Variants in NHS observed in about 807,000 individuals in gnomAD.
NHS encodes NHS actin remodeling regulator, also known as actin remodeling regulator NHS.
NHS carries 5 observed loss-of-function variants against 72.5 expected under a neutral mutation model. The observed-to-expected ratio is 0.07, with a 90% confidence interval of 0.04 to 0.14. The LOEUF is 0.14. Ranked by LOEUF, NHS falls within the 10% of genes least tolerant of loss-of-function variation. NHS has a pLI of 1.00. For missense variants in NHS, 1,072 were observed against 1,355.7 expected (o/e 0.79, Z 3.29); for synonymous variants, 464 against 547.7 (o/e 0.85, Z 2.13).
In NHS at chrX:17,724,434, T is replaced by A. The variant is rs1298724339; in HGVS notation, c.1240+4T>A. On this transcript the variant is annotated splice_donor_region_variant and intron_variant, in intron 6 of 8. Transcript: ENST00000676302. ...AGAAGAGTTCAACAAGAAATAGGTG[T>A]GATATCAAAAAATGTTAATGGTTAA... 7.4e-6 allele frequency: 9 copies of A among 1,211,205 alleles called. No individual in the cohort carries two copies. The highest frequency in any genetic ancestry group is 1.0e-5 in the Non-Finnish European group (9 of 895,279).
intron 1 of NHS, among the ~76,000 whole-genome samples, chrX:17,476,567 A>G (rs2064919051): frequency 9.0e-6 from 1 of 111,016 alleles, no homozygotes; most frequent in African/African-American, 3.3e-5. Flanking sequence ...GATTCAAGTG[A>G]AGGTAATTTA....
At chrX:17,579,440 G>A (rs1601784049) in intron 1 of NHS, among the ~76,000 whole-genome samples, 3 of 110,420 alleles carry the variant, frequency 2.7e-5, no homozygotes, top group South Asian at 3.9e-4. Context: ...AAGCACTATA[G>A]GATTCCATTC....
chrX:17,677,817 T>C (rs1601830936), intron 1 of NHS, among the ~76,000 whole-genome samples: 2 of 111,668 alleles, frequency 1.8e-5, no homozygotes, highest in East Asian at 5.6e-4. Flanking sequence ...TTCATTTCGT[T>C]TTATTTTTGA....
intron 1 of NHS, among the ~76,000 whole-genome samples, chrX:17,655,677 G>A (rs1601820235): frequency 8.9e-6 from 1 of 112,961 alleles, no homozygotes; most frequent in Non-Finnish European, 1.9e-5. Flanking sequence ...CATTCACTGA[G>A]CTGTAAATCG....
At chrX:17,471,824 A>G (rs1429401872) in intron 1 of NHS, among the ~76,000 whole-genome samples, 2 of 111,832 alleles carry the variant, frequency 1.8e-5, no homozygotes, top group Admixed American at 9.5e-5. Flanking sequence ...GAATGCTTCT[A>G]AGACAGTAGA....
At chrX:17,705,522 G>A (rs1219765711) in intron 3 of NHS, 1 of 112,457 alleles carries the variant, frequency 8.9e-6, no homozygotes, top group Non-Finnish European at 1.9e-5. Context: ...CACTGCAGGA[G>A]ATGTTGTCTA....
chrX:17,446,660 A>ACC (rs1340548046), intron 1 of NHS, among the ~76,000 whole-genome samples: 76 of 110,543 alleles, frequency 6.9e-4, no homozygotes, highest in African/African-American at 2.4e-3. Context: ...TTTGCCCAAA[A>ACC]AAAAAAAAAA....
At chrX:17,439,976 G>A (rs1232751672) in intron 1 of NHS, among the ~76,000 whole-genome samples, 2 of 111,329 alleles carry the variant, frequency 1.8e-5, no homozygotes, top group Admixed American at 9.5e-5. Context: ...AAATGGAAAC[G>A]AGGCCAGGCG....
chrX:17,531,093 C>A (rs1254112021), intron 1 of NHS, among the ~76,000 whole-genome samples: 1 of 111,876 alleles, frequency 8.9e-6, no homozygotes, highest in Non-Finnish European at 1.9e-5. Context: ...TCCATGGAAA[C>A]CCTCGCACCA....
intron 1 of NHS, among the ~76,000 whole-genome samples, chrX:17,671,369 C>T (rs2066044676): frequency 8.9e-6 from 1 of 112,311 alleles, no homozygotes; most frequent in African/African-American, 3.2e-5. Context: ...GTGGATGCCC[C>T]AAAGCAACTC....
intron 1 of NHS, among the ~76,000 whole-genome samples, chrX:17,675,207 A>G (rs1206038946): frequency 8.9e-6 from 1 of 112,165 alleles, no homozygotes; most frequent in African/African-American, 3.2e-5. Context: ...TATCCTAATG[A>G]CAAATGAAAA....
intron 3 of NHS, among the ~76,000 whole-genome samples, chrX:17,716,122 A>C (rs996936425): frequency 3.6e-5 from 4 of 111,328 alleles, no homozygotes; most frequent in Non-Finnish European, 5.7e-5. Flanking sequence ...CATCACAATG[A>C]CCACAACTGA....
chrX:17,527,864 C>A (rs2065180542), intron 1 of NHS, among the ~76,000 whole-genome samples: 1 of 110,290 alleles, frequency 9.1e-6, no homozygotes, highest in South Asian at 3.9e-4. Flanking sequence ...GCGCTGCTCC[C>A]TTCAAAGGGA....
At chrX:17,598,822 T>C (rs12007131) in intron 1 of NHS, among the ~76,000 whole-genome samples, 53,279 of 110,012 alleles carry the variant, frequency 0.48, 10,095 homozygotes, top group East Asian at 0.71. Context: ...GTACACTTCC[T>C]TGAATTTTCA....
At chrX:17,589,928 T>A (rs2065594664) in intron 1 of NHS, among the ~76,000 whole-genome samples, 2 of 112,199 alleles carry the variant, frequency 1.8e-5, no homozygotes, top group South Asian at 3.7e-4. Context: ...ATTTCCCTGA[T>A]CATCAGTGAT....
At chrX:17,526,359 TC>T (rs2065173284) in intron 1 of NHS, among the ~76,000 whole-genome samples, 1 of 112,192 alleles carries the variant, frequency 8.9e-6, no homozygotes, top group Non-Finnish European at 1.9e-5. Flanking sequence ...TCTGGGATGT[TC>T]CCCCTGGCAG....
chrX:17,473,730 C>T (rs1437371765), intron 1 of NHS, among the ~76,000 whole-genome samples: 2 of 110,919 alleles, frequency 1.8e-5, no homozygotes, highest in African/African-American at 3.3e-5. Context: ...TAAAATATCT[C>T]GTTAGTAATT....
intron 1 of NHS, among the ~76,000 whole-genome samples, chrX:17,604,575 G>A (rs2065669924): frequency 8.9e-6 from 1 of 112,278 alleles, no homozygotes; most frequent in Non-Finnish European, 1.9e-5. Flanking sequence ...TATTTAAGAG[G>A]AAGAAGGGGA....
chrX:17,491,945 G>A (rs1872107207), intron 1 of NHS, among the ~76,000 whole-genome samples: 1 of 110,315 alleles, frequency 9.1e-6, no homozygotes, highest in African/African-American at 3.3e-5. Context: ...ATTCTTTGAT[G>A]GTAGTTTGTA....
Sources: allele counts gnomAD v4.1 joint callset (sites outside exome capture counted in the v4.1 genomes callset), GRCh38; gene constraint gnomAD v4.1.1; transcripts MANE v1.5; gene names NCBI Gene and HGNC (gene_info 2026-07-23, HGNC 2026-07-21).